The following RBM20 variants were observed in gnomAD, a reference collection of about 807,000 sequenced individuals.
RBM20 encodes RNA binding motif protein 20.
In RBM20, 51 loss-of-function variants were observed where a neutral mutation model predicts 110.1. The ratio of observed to expected loss-of-function variants is 0.46; its 90% CI spans 0.37 to 0.59. RBM20 has a LOEUF of 0.59. RBM20 is among the 20% of genes least tolerant of loss of function. The pLI, the probability that RBM20 is intolerant of heterozygous loss-of-function variation, is 0.00. For missense variants in RBM20, 1,512 were observed against 1,574.9 expected, an observed-to-expected ratio of 0.96 and a Z score of 0.68; for synonymous variants, 589 against 618.2, an observed-to-expected ratio of 0.95 and a Z score of 0.70.
intron 1 of RBM20, among the ~76,000 whole-genome samples, chr10:110,691,485 G>T (rs954608343): frequency 6.6e-6 from 1 of 152,162 alleles, no homozygotes; most frequent in Non-Finnish European, 1.5e-5. Context: ...TAGGTGTGAA[G>T]TAGTATCTCA....
At chr10:110,702,492 C>T (rs997852047) in intron 1 of RBM20, among the ~76,000 whole-genome samples, 3 of 152,138 alleles carry the variant, frequency 2.0e-5, no homozygotes, top group Admixed American at 6.5e-5. Context: ...GCTCGGATGG[C>T]GACCGTGCAC....
intron 1 of RBM20, among the ~76,000 whole-genome samples, chr10:110,702,459 C>A (rs192510191): frequency 4.2e-4 from 64 of 152,240 alleles, no homozygotes; most frequent in African/African-American, 1.5e-3. Context: ...TTACTTGAGC[C>A]CAGGAGTTTG....
At chr10:110,787,947 T>C (rs1401515773) in intron 5 of RBM20, among the ~76,000 whole-genome samples, 3 of 152,210 alleles carry the variant, frequency 2.0e-5, no homozygotes, top group Non-Finnish European at 4.4e-5. Flanking sequence ...CATTTTTGTT[T>C]TGTATTAGCT....
chr10:110,707,820 A>G (rs1392771728), intron 1 of RBM20, among the ~76,000 whole-genome samples: 1 of 152,170 alleles, frequency 6.6e-6, no homozygotes, highest in Non-Finnish European at 1.5e-5. Context: ...AATGAATAAG[A>G]CCCAGTATTG....
chr10:110,705,616 A>C (rs1862825246), intron 1 of RBM20, among the ~76,000 whole-genome samples: 1 of 152,254 alleles, frequency 6.6e-6, no homozygotes, highest in South Asian at 2.1e-4. Context: ...GAGTTCTCCA[A>C]ATAAATTTCA....
rs540621535 is a variant in RBM20, at chr10:110,832,234, C to T, written c.3573+1052C>T. Among the ~76,000 whole-genome samples, 3 of 152,284 alleles carry T rather than the reference C, an allele frequency of 2.0e-5. No homozygotes were observed. The East Asian group carries it at 5.8e-4, about 29-fold the overall frequency. On this transcript the variant is annotated intron_variant, in intron 13 of 13. Transcript: ENST00000369519. ...AGGGCCAGGGGTAAGTATCTGAAGA[C>T]ACCTCCTGTTTTTACTACAAGGAAT...
At position 110,704,039 on chromosome 10, in the gene RBM20, A is replaced by G. The variant is rs539201736; in HGVS notation, c.191+59394A>G. 3.6e-3 allele frequency among the ~76,000 whole-genome samples: 551 copies of G among 152,302 alleles called. 2 individuals are homozygous for G. Among genetic ancestry groups the G allele is most frequent in the Non-Finnish European group, 5.7e-3 (385 of 68,020 alleles). On this transcript the variant is annotated intron_variant, in intron 1 of 13. Transcript: ENST00000369519. ...AGGCAGGAGAATCACTTGAACCAGCAAAGTGGAGGTTGCAGTAAGCTGAGA... is the reference window on the plus strand; with the variant it reads ...AGGCAGGAGAATCACTTGAACCAGCGAAGTGGAGGTTGCAGTAAGCTGAGA...
At chr10:110,700,659 G>A (rs1334790782) in intron 1 of RBM20, among the ~76,000 whole-genome samples, 1 of 152,086 alleles carries the variant, frequency 6.6e-6, no homozygotes, top group Non-Finnish European at 1.5e-5. Flanking sequence ...AGTGACAGAG[G>A]CCCCAGGATT....
intron 7 of RBM20, among the ~76,000 whole-genome samples, chr10:110,804,456 C>T (rs1165277023): frequency 6.6e-6 from 1 of 152,186 alleles, no homozygotes; most frequent in Non-Finnish European, 1.5e-5. Context: ...TCTCCTCTAA[C>T]TTTATCTTTT....
At chr10:110,753,436 T>C (rs1353296420) in intron 1 of RBM20, among the ~76,000 whole-genome samples, 1 of 152,166 alleles carries the variant, frequency 6.6e-6, no homozygotes, top group Non-Finnish European at 1.5e-5. Context: ...TTGGATTTAC[T>C]CATCATGCAT....
At chr10:110,812,976 G>T in intron 9 of RBM20, 29 bp downstream of exon 9, 1 of 1,391,000 alleles carries the variant, frequency 7.2e-7, no homozygotes, top group Non-Finnish European at 9.5e-7. Context: ...CCCAGGTAAG[G>T]CGAGGCAGGC....
At chr10:110,765,921 T>C (rs997659427) in intron 1 of RBM20, among the ~76,000 whole-genome samples, 45 of 152,322 alleles carry the variant, frequency 3.0e-4, no homozygotes, top group Middle Eastern at 3.4e-3. Context: ...TTCCCCCACA[T>C]GCATATGCTA....
chr10:110,821,526 A>G lies in RBM20; in HGVS notation c.2907A>G (p.Val969=). ...TCCCCAAGGAAGGAGTCAAGGCCGT[A>G]GGGAATGGGGCTGCAGAAATCAGCC... is the stretch of plus-strand genomic sequence containing the variant. ...QDFPKEGVKA[V]GNGAAEISLK... The change falls in exon 11 of 14, where the codon GTA becomes GTG. Residue 969 remains valine (V), a synonymous_variant. Transcript: ENST00000369519. 6.4e-7 allele frequency: 1 copy of G among 1,552,040 alleles called. No individual in the cohort carries two copies. Among genetic ancestry groups the G allele is most frequent in the Non-Finnish European group, 8.7e-7 (1 of 1,147,070 alleles).
In RBM20 at chr10:110,670,145, A is replaced by C. The variant is rs537138735; in HGVS notation, c.191+25500A>C. ...GTGAAATAATATTTACAGTTTGTTA[A>C]AGTGGTATCATCTCTCTTTGCACGT... On this transcript the variant is annotated intron_variant, in intron 1 of 13. Transcript: ENST00000369519. Among the ~76,000 whole-genome samples the C allele has an allele frequency of 5.9e-5, 9 of 152,238 alleles. No homozygotes were observed. In the South Asian group the frequency reaches 1.4e-3, roughly 25 times the overall value.
chr10:110,737,977 T>C (rs10885029), intron 1 of RBM20, among the ~76,000 whole-genome samples: 107,436 of 152,036 alleles, frequency 0.71, 38,715 homozygotes, highest in African/African-American at 0.86. Context: ...GACCAGGTCT[T>C]GCCTGCTGCT....
chr10:110,675,273 T>C (rs1300054126), intron 1 of RBM20, among the ~76,000 whole-genome samples: 1 of 152,064 alleles, frequency 6.6e-6, no homozygotes, highest in Non-Finnish European at 1.5e-5. Context: ...AATATTGAAT[T>C]GTGATAGTCA....
chr10:110,823,669 A>G, intron 12 of RBM20, 55 bp downstream of exon 12: 1 of 1,531,048 alleles, frequency 6.5e-7, no homozygotes. Flanking sequence ...TAACAGTTCC[A>G]TAGCAACCTC....
chr10:110,705,225 A>C (rs1862818551), intron 1 of RBM20, among the ~76,000 whole-genome samples: 1 of 152,256 alleles, frequency 6.6e-6, no homozygotes. Context: ...ATAATTTTTC[A>C]CATTACTGTC....
At chr10:110,827,350 C>T (rs1844994660) in intron 12 of RBM20, among the ~76,000 whole-genome samples, 1 of 151,882 alleles carries the variant, frequency 6.6e-6, no homozygotes, top group Non-Finnish European at 1.5e-5. Context: ...TGCCACTGCA[C>T]TCCAGCCTGG....
Sources: gnomAD v4.1 joint callset for allele counts (sites outside exome capture counted in the v4.1 genomes callset) on GRCh38, gnomAD v4.1.1 for gene constraint, MANE v1.5 for transcripts, NCBI Gene and HGNC (gene_info 2026-07-23, HGNC 2026-07-21) for gene names.